The following LUZP2 variants were observed in gnomAD, a reference collection of about 807,000 sequenced individuals.
The protein encoded by LUZP2 is leucine zipper protein 2.
LUZP2 carries 52 observed loss-of-function variants against 51.6 expected under a neutral mutation model. That is an observed-to-expected ratio of 1.01 (90% CI 0.81 to 1.27). LUZP2 has a LOEUF of 1.27. Ranked by LOEUF, LUZP2 falls within the 50% of genes most tolerant of loss-of-function variation. LUZP2 has a pLI of 0.00. For missense variants in LUZP2, 436 were observed against 395.4 expected (o/e 1.10, Z -0.87); for synonymous variants, 154 against 137.3 (o/e 1.12, Z -0.85).
At chr11:24,784,556 G>T (rs1158221084) in intron 5 of LUZP2, among the ~76,000 whole-genome samples, 1 of 151,904 alleles carries the variant, frequency 6.6e-6, no homozygotes, top group Admixed American at 6.6e-5. Flanking sequence ...TCATTATCTA[G>T]CAATAATTAC....
chr11:25,049,124 G>A (rs980239600), intron 9 of LUZP2, among the ~76,000 whole-genome samples: 1 of 152,018 alleles, frequency 6.6e-6, no homozygotes, highest in Admixed American at 6.6e-5. Flanking sequence ...AAAATACCTG[G>A]GTGAGATTTG....
chr11:24,946,591 T>C (rs375658684), intron 7 of LUZP2, among the ~76,000 whole-genome samples: 1 of 152,122 alleles, frequency 6.6e-6, no homozygotes, highest in East Asian at 1.9e-4. Flanking sequence ...TAGTGAAGAA[T>C]AGAAATCTTA....
intron 10 of LUZP2, among the ~76,000 whole-genome samples, chr11:25,073,720 TC>T (rs1322181684): frequency 6.6e-6 from 1 of 152,122 alleles, no homozygotes; most frequent in African/African-American, 2.4e-5. Flanking sequence ...CTCTTATTTT[TC>T]TATGTTTGGT....
At chr11:24,907,299 CAAA>C (rs71044324) in intron 6 of LUZP2, among the ~76,000 whole-genome samples, 1 of 103,804 alleles carries the variant, frequency 9.6e-6, no homozygotes, top group African/African-American at 4.3e-5. Flanking sequence ...AACACAAATA[CAAA>C]AAAAAAAAAA....
chr11:24,744,021 T>C (rs1157858397), intron 4 of LUZP2, among the ~76,000 whole-genome samples: 1 of 152,116 alleles, frequency 6.6e-6, no homozygotes, highest in Non-Finnish European at 1.5e-5. Flanking sequence ...TCCCATGTAT[T>C]GACTTGTGTA....
At chr11:24,531,493 G>A (rs1450092917) in intron 1 of LUZP2, among the ~76,000 whole-genome samples, 1 of 150,632 alleles carries the variant, frequency 6.6e-6, no homozygotes. Flanking sequence ...GTTTATCATA[G>A]TCACCCTATA....
rs140638850 is a variant in LUZP2, at chr11:24,665,435, C to T, written c.63-63734C>T. ...TGGAATGAGTTAAGACTTTGGGAGA[C>T]TGTTGAAAGGACAGAATTGTGTTTT... On this transcript the variant is annotated intron_variant, in intron 1 of 11. Coordinates refer to ENST00000336930, the MANE Select transcript of LUZP2 (RefSeq NM_001009909.4). 7.2e-5 allele frequency among the ~76,000 whole-genome samples: 11 copies of T among 152,182 alleles called. No homozygotes were observed. In the East Asian group the frequency reaches 2.1e-3, roughly 29 times the overall value.
chr11:24,960,864 G>T (rs568288485), intron 7 of LUZP2, among the ~76,000 whole-genome samples: 2 of 152,080 alleles, frequency 1.3e-5, no homozygotes, highest in East Asian at 3.9e-4. Flanking sequence ...GATCTTTCCT[G>T]CTTTCTCTTG....
At chr11:24,616,626 C>A (rs1854298764) in intron 1 of LUZP2, among the ~76,000 whole-genome samples, 1 of 151,966 alleles carries the variant, frequency 6.6e-6, no homozygotes. Context: ...TTGTTTTTGT[C>A]TGTTTCTGAG....
intron 7 of LUZP2, among the ~76,000 whole-genome samples, chr11:24,958,874 T>G (rs1430921529): frequency 6.6e-6 from 1 of 152,222 alleles, no homozygotes; most frequent in Non-Finnish European, 1.5e-5. Context: ...TTCTAGGGTT[T>G]TTATGGTTTT....
chr11:24,765,309 A>G (rs1860139724), intron 5 of LUZP2, among the ~76,000 whole-genome samples: 1 of 152,224 alleles, frequency 6.6e-6, no homozygotes, highest in Non-Finnish European at 1.5e-5. Flanking sequence ...ATTAAACAAA[A>G]TACAGTGGTG....
In LUZP2 at chr11:24,585,010, A is replaced by T. The variant is rs546131838; in HGVS notation, c.62+87705A>T. On this transcript the variant is annotated intron_variant, in intron 1 of 11. Transcript: ENST00000336930. The stretch of plus-strand genomic sequence containing the variant: ...GATGCTATCATTCCTTTTTATCAAT[A>T]AGGAATTATTTTCTCACAGCCCAGG... 3.3e-5 allele frequency among the ~76,000 whole-genome samples: 5 copies of T among 152,244 alleles called. No homozygotes were observed. In the East Asian group the frequency reaches 9.7e-4, roughly 29 times the overall value.
At chr11:24,665,561 C>A (rs530380099) in intron 1 of LUZP2, among the ~76,000 whole-genome samples, 55 of 152,222 alleles carry the variant, frequency 3.6e-4, no homozygotes, top group African/African-American at 1.2e-3. Context: ...TTCTCATAAT[C>A]CCCAAATGTC....
intron 1 of LUZP2, among the ~76,000 whole-genome samples, chr11:24,682,388 G>T (rs7394676): frequency 0.18 from 27,838 of 151,118 alleles, 2,621 homozygotes; most frequent in East Asian, 0.32. Flanking sequence ...CTAGCTACTC[G>T]GGAGGCTGAG....
intron 5 of LUZP2, among the ~76,000 whole-genome samples, chr11:24,778,099 T>C (rs930587070): frequency 1.3e-5 from 2 of 152,050 alleles, no homozygotes; most frequent in Non-Finnish European, 2.9e-5. Context: ...GCGAAGATTT[T>C]CTAAATCAAA....
At chr11:24,781,243 T>C (rs1338026106) in intron 5 of LUZP2, among the ~76,000 whole-genome samples, 5 of 152,248 alleles carry the variant, frequency 3.3e-5, no homozygotes, top group Non-Finnish European at 5.9e-5. Context: ...GTTTACTTTC[T>C]ACCTCTTTCA....
At chr11:24,595,386 G>A (rs1360434065) in intron 1 of LUZP2, among the ~76,000 whole-genome samples, 3 of 152,126 alleles carry the variant, frequency 2.0e-5, no homozygotes, top group Non-Finnish European at 4.4e-5. Flanking sequence ...TTGGTATTGG[G>A]ACATGAAGCT....
chr11:24,549,985 C>T (rs1851677642), intron 1 of LUZP2, among the ~76,000 whole-genome samples: 1 of 151,976 alleles, frequency 6.6e-6, no homozygotes, highest in Admixed American at 6.6e-5. Context: ...TACATATCAA[C>T]AGGAGAAAAC....
chr11:24,659,586 A>G (rs1855945467), intron 1 of LUZP2, among the ~76,000 whole-genome samples: 1 of 151,952 alleles, frequency 6.6e-6, no homozygotes, highest in Non-Finnish European at 1.5e-5. Flanking sequence ...AAAAATAAGA[A>G]CTAGGATTTA....
Sources: gnomAD v4.1 joint callset for allele counts (sites outside exome capture counted in the v4.1 genomes callset) on GRCh38, gnomAD v4.1.1 for gene constraint, MANE v1.5 for transcripts, NCBI Gene and HGNC (gene_info 2026-07-23, HGNC 2026-07-21) for gene names.